The following TENM3 variants were observed in gnomAD, a reference collection of about 807,000 sequenced individuals.
TENM3 encodes teneurin-3.
Under a neutral mutation model 255.1 loss-of-function variants are expected in TENM3, and 63 were observed. The observed-to-expected ratio is 0.25, with a 90% CI of 0.20 to 0.30. TENM3 has a LOEUF of 0.30. Ranked by LOEUF, TENM3 falls within the 10% of genes least tolerant of loss-of-function variation. The pLI is 1.00. For synonymous variants in TENM3, 1,306 were observed against 1,322.3 expected, an observed-to-expected ratio of 0.99 and a Z score of 0.27; for missense variants, 2,929 against 3,461.1, an observed-to-expected ratio of 0.85 and a Z score of 3.86.
At chr4:181,751,992 G>A in the TENM3 span, among the ~76,000 whole-genome samples, 1 of 152,136 alleles carries the variant, frequency 6.6e-6, no homozygotes, top group African/African-American at 2.4e-5. Context: ...CTTATCTCCT[G>A]TTTCCTGACT....
rs926611096 is a variant in TENM3, at chr4:182,506,152, T to G, written c.512-94772T>G. ...TGAGCATGAACAGTGTGTTGCTTAA[T>G]AGTTACTTACCATCGGCTTCACTTT... On this transcript the variant is annotated intron_variant, in intron 3 of 27. Coordinates refer to ENST00000511685, the MANE Select transcript of TENM3 (RefSeq NM_001080477.4). Among the ~76,000 whole-genome samples the G allele has an allele frequency of 3.3e-5, 5 of 152,254 alleles. No homozygotes were observed. The South Asian group carries it at 1.0e-3, about 32-fold the overall frequency.
intron 3 of TENM3, chr4:182,449,013 T>C: frequency 2.6e-6 from 1 of 391,922 alleles, no homozygotes; most frequent in Non-Finnish European, 5.1e-6. Flanking sequence ...CACGATACGC[T>C]CCAGACCCAG....
At chr4:182,628,581 G>T (rs1422681915) in intron 4 of TENM3, 70 bp from the exon 5 acceptor site, 2 of 975,344 alleles carry the variant, frequency 2.1e-6, no homozygotes, top group East Asian at 5.2e-5. Context: ...AGAGCTAAAT[G>T]CATCGCTGTC....
chr4:182,426,008 A>AAAAAAAAAAAAAAAAAAAAAAC (rs1771192197), intron 3 of TENM3, among the ~76,000 whole-genome samples: 1 of 7,802 alleles, frequency 1.3e-4, no homozygotes, highest in Admixed American at 1.2e-3. Flanking sequence ...AGTCCATGTC[A>AAAAAAAAAAAAAAAAAAAAAAC]AAAAAAAAAA....
At chr4:181,627,511 G>A in the TENM3 span, among the ~76,000 whole-genome samples, 1 of 152,024 alleles carries the variant, frequency 6.6e-6, no homozygotes, top group African/African-American at 2.4e-5. Flanking sequence ...ACAGGCCCCA[G>A]TGTGTGATGT....
At chr4:182,160,019 T>TTTTTTTTTTTTTTTTTTTTTC (rs1456318331) in intron 1 of TENM3, among the ~76,000 whole-genome samples, 11 of 151,164 alleles carry the variant, frequency 7.3e-5, no homozygotes, top group Non-Finnish European at 1.3e-4. Flanking sequence ...GTTCTTTTTT[T>TTTTTTTTTTTTTTTTTTTTTC]TGAGACGGAG....
chr4:181,839,386 C>T, the TENM3 span, among the ~76,000 whole-genome samples: 3,863 of 43,712 alleles, frequency 0.088, 277 homozygotes, highest in East Asian at 0.18. Context: ...TATATATATA[C>T]ACCTATATAC....
Position 182,692,850 on chromosome 4 carries a change from G to GT in TENM3, c.2221+4509dup, listed in dbSNP as rs1232932947. Among the ~76,000 whole-genome samples, 1,213 of 148,866 alleles carry GT rather than the reference G, an allele frequency of 8.1e-3. 10 individuals are homozygous for GT. Among genetic ancestry groups the GT allele is most frequent in the African/African-American group, 0.028 (1,159 of 40,774 alleles). On this transcript the variant is annotated intron_variant, in intron 12 of 27. Coordinates refer to ENST00000511685, the MANE Select transcript of TENM3 (RefSeq NM_001080477.4). ...CTTAAGGAGTATTTTTAGAATGGGAGTTTTTTTTTTAACTTCTCTCCATCC... is the reference window on the plus strand; with the variant it reads ...CTTAAGGAGTATTTTTAGAATGGGAGTTTTTTTTTTTAACTTCTCTCCATCC...
chr4:181,628,256 G>A, the TENM3 span, among the ~76,000 whole-genome samples: 11,520 of 152,102 alleles, frequency 0.076, 490 homozygotes, highest in East Asian at 0.15. Flanking sequence ...TGAGTAGATC[G>A]CAAATATTTT....
At chr4:182,512,464 GTTTA>G (rs2151727104) in intron 3 of TENM3, among the ~76,000 whole-genome samples, 1 of 152,204 alleles carries the variant, frequency 6.6e-6, no homozygotes, top group African/African-American at 2.4e-5. Flanking sequence ...ATATTTCAGG[GTTTA>G]TTTATTAAAA....
chr4:182,486,136 A>G (rs1004815374), intron 3 of TENM3, among the ~76,000 whole-genome samples: 1 of 152,094 alleles, frequency 6.6e-6, no homozygotes, highest in Admixed American at 6.6e-5. Flanking sequence ...AATAACCATA[A>G]AGATGGAAAC....
intron 1 of TENM3, among the ~76,000 whole-genome samples, chr4:182,295,408 C>T (rs975328195): frequency 1.3e-5 from 2 of 151,644 alleles, no homozygotes; most frequent in African/African-American, 4.8e-5. Flanking sequence ...GCTAGGATTA[C>T]AGGCAGCTGC....
the TENM3 span, among the ~76,000 whole-genome samples, chr4:181,931,192 A>C: frequency 6.6e-6 from 1 of 152,232 alleles, no homozygotes; most frequent in Non-Finnish European, 1.5e-5. Flanking sequence ...AAAGAAATAA[A>C]GAGTATTCAA....
chr4:181,549,133 C>T, the TENM3 span, among the ~76,000 whole-genome samples: 287 of 152,218 alleles, frequency 1.9e-3, no homozygotes, highest in African/African-American at 6.4e-3. Flanking sequence ...CCTTCATCTC[C>T]GCCCTCACCC....
chr4:181,884,556 T>C, the TENM3 span, among the ~76,000 whole-genome samples: 179 of 152,298 alleles, frequency 1.2e-3, no homozygotes, highest in African/African-American at 4.1e-3. Flanking sequence ...AATAATACAA[T>C]ATTTGTCCTT....
At chr4:182,463,278 G>A (rs1400778512) in intron 3 of TENM3, among the ~76,000 whole-genome samples, 1 of 152,062 alleles carries the variant, frequency 6.6e-6, no homozygotes, top group South Asian at 2.1e-4. Context: ...GTGTTACTCT[G>A]TTTGATTCTG....
At chr4:181,847,411 A>G in the TENM3 span, among the ~76,000 whole-genome samples, 2 of 152,144 alleles carry the variant, frequency 1.3e-5, no homozygotes, top group African/African-American at 4.8e-5. Flanking sequence ...TATCATTTGC[A>G]TTGGTTCCCT....
chr4:182,533,779 T>C (rs1406078647), intron 3 of TENM3, among the ~76,000 whole-genome samples: 1 of 151,898 alleles, frequency 6.6e-6, no homozygotes, highest in Non-Finnish European at 1.5e-5. Context: ...CTGGGTGTGG[T>C]GGCAGGCATC....
chr4:181,757,978 A>G, the TENM3 span, among the ~76,000 whole-genome samples: 1 of 152,136 alleles, frequency 6.6e-6, no homozygotes, highest in East Asian at 1.9e-4. Context: ...TACAATTACG[A>G]CCAGTGACAT....
Sources: allele counts gnomAD v4.1 joint callset (sites outside exome capture counted in the v4.1 genomes callset), GRCh38; gene constraint gnomAD v4.1.1; transcripts MANE v1.5; gene names NCBI Gene and HGNC (gene_info 2026-07-23, HGNC 2026-07-21).